Variants in NTN1 observed in about 807,000 individuals in gnomAD.
NTN1 encodes the protein netrin-1.
A neutral mutation model predicts 54.2 loss-of-function variants in NTN1; 11 were observed. The observed-to-expected ratio is 0.20, with a 90% CI of 0.13 to 0.34. The LOEUF is 0.34. Ranked by LOEUF, NTN1 falls within the 10% of genes least tolerant of loss-of-function variation. The pLI, the probability that NTN1 is intolerant of heterozygous loss-of-function variation, is 1.00. For synonymous variants in NTN1, 371 were observed against 382.0 expected (o/e 0.97, Z 0.33); for missense variants, 740 against 893.1 (o/e 0.83, Z 2.18).
At chr17:9,193,988 C>A (rs994022200) in intron 5 of NTN1, among the ~76,000 whole-genome samples, 1 of 145,668 alleles carries the variant, frequency 6.9e-6, no homozygotes, top group African/African-American at 2.5e-5. Flanking sequence ...GTAATCCCAG[C>A]ACTTTGGGAG....
Position 9,212,525 on chromosome 17 carries a change from G to T in NTN1, c.1412-8643G>T, listed in dbSNP as rs1905131271. 6.6e-6 allele frequency among the ~76,000 whole-genome samples: 1 copy of T among 152,206 alleles called. No individual in the cohort carries two copies. The highest frequency in any genetic ancestry group is 1.5e-5 in the Non-Finnish European group (1 of 68,046). ...CTCATTTGCCTTTTGTCACCTGCTG[G>T]TGGGCAGAATGGCCCAGCCGAAATG... On this transcript the variant is annotated intron_variant, in intron 5 of 6. Transcript: ENST00000173229. This position sits in a 1 kb window ranked among gnomAD's most constrained non-coding sequence, Gnocchi z 5.5.
chr17:9,134,061 T>C (rs868163756), intron 2 of NTN1, among the ~76,000 whole-genome samples: 10 of 151,624 alleles, frequency 6.6e-5, no homozygotes, highest in African/African-American at 1.9e-4. Flanking sequence ...CCTGCCACTA[T>C]GCACAGCTAA....
intron 3 of NTN1, among the ~76,000 whole-genome samples, chr17:9,166,098 G>A (rs531205043): frequency 9.9e-5 from 15 of 151,748 alleles, no homozygotes; most frequent in South Asian, 4.2e-4. Context: ...AGATGCTGGC[G>A]GGATGTGTAC....
intron 6 of NTN1, among the ~76,000 whole-genome samples, chr17:9,223,850 TC>T (rs1220458526): frequency 6.6e-6 from 1 of 152,154 alleles, no homozygotes; most frequent in Non-Finnish European, 1.5e-5. Context: ...CCTCTCCCCA[TC>T]CTTCCCTGCA....
At chr17:9,153,795 A>G (rs912330382) in intron 2 of NTN1, among the ~76,000 whole-genome samples, 1 of 152,140 alleles carries the variant, frequency 6.6e-6, no homozygotes, top group East Asian at 1.9e-4. Flanking sequence ...GAAGTGCCAC[A>G]TCTTCCCTCA....
intron 6 of NTN1, among the ~76,000 whole-genome samples, chr17:9,227,457 CTG>C (rs1456735380): frequency 2.7e-5 from 4 of 147,916 alleles, no homozygotes; most frequent in African/African-American, 5.2e-5. Context: ...GATACACAGA[CTG>C]TCACACACAG....
At position 9,070,477 on chromosome 17, in the gene NTN1, C is replaced by T. The variant is rs78996446; in HGVS notation, c.1018+47086C>T. 7.3e-3 allele frequency among the ~76,000 whole-genome samples: 1,112 copies of T among 152,156 alleles called. 10 individuals are homozygous for T. The highest frequency in any genetic ancestry group is 0.026 in the African/African-American group (1,060 of 41,516). On this transcript the variant is annotated intron_variant, in intron 2 of 6. Coordinates refer to ENST00000173229, the MANE Select transcript of NTN1 (RefSeq NM_004822.3). ...AGTCATGGCTCTTTGAGCCTAAACC[C>T]CCGAGACTTTGGAAAAGTGAAGTGT...
chr17:9,161,429 G>C (rs972793781), intron 2 of NTN1, among the ~76,000 whole-genome samples: 5 of 152,174 alleles, frequency 3.3e-5, no homozygotes, highest in African/African-American at 1.2e-4. Context: ...AGCCCTGAAG[G>C]CCATGCTGAG....
At chr17:9,073,817 G>A (rs1253840092) in intron 2 of NTN1, among the ~76,000 whole-genome samples, 1 of 152,220 alleles carries the variant, frequency 6.6e-6, no homozygotes, top group Non-Finnish European at 1.5e-5. Flanking sequence ...AGTGAATGTG[G>A]TATTCTCTTC....
intron 6 of NTN1, among the ~76,000 whole-genome samples, chr17:9,227,528 AAC>A (rs1342488665): frequency 5.5e-5 from 8 of 146,760 alleles, no homozygotes; most frequent in South Asian, 2.2e-4. Context: ...ACACACATCA[AAC>A]ACAGATACAC....
chr17:9,088,900 G>A (rs1461903812), intron 2 of NTN1, among the ~76,000 whole-genome samples: 1 of 152,110 alleles, frequency 6.6e-6, no homozygotes, highest in Non-Finnish European at 1.5e-5. Context: ...CCTCGCACCT[G>A]TTCACCCTGC....
chr17:9,065,676 T>C (rs1390854372), intron 2 of NTN1, among the ~76,000 whole-genome samples: 2 of 152,144 alleles, frequency 1.3e-5, no homozygotes, highest in African/African-American at 2.4e-5. Flanking sequence ...GCCCGTGAGC[T>C]CAGTAAAACG....
chr17:9,119,801 C>A (rs1425963161), intron 2 of NTN1, among the ~76,000 whole-genome samples: 2 of 152,094 alleles, frequency 1.3e-5, no homozygotes, highest in Non-Finnish European at 2.9e-5. Context: ...CCTGGCCTGG[C>A]CTTTTTTTAT....
chr17:9,175,869 TC>T (rs1260108612), intron 3 of NTN1: 3 of 151,942 alleles, frequency 2.0e-5, no homozygotes, highest in Non-Finnish European at 2.9e-5. Flanking sequence ...ATGGAAAAAA[TC>T]CCCGGGTTGA....
chr17:9,156,632 C>T (rs193113451), intron 2 of NTN1, among the ~76,000 whole-genome samples: 136 of 152,332 alleles, frequency 8.9e-4, no homozygotes, highest in Admixed American at 2.2e-3. Flanking sequence ...GATGCAGATT[C>T]AGTCTCTGTG....
chr17:9,067,859 C>T (rs998297337), intron 2 of NTN1, among the ~76,000 whole-genome samples: 1 of 152,164 alleles, frequency 6.6e-6, no homozygotes, highest in African/African-American at 2.4e-5. Context: ...GCCCTGGGCT[C>T]AGGTGCTAGA....
intron 2 of NTN1, among the ~76,000 whole-genome samples, chr17:9,110,461 G>A (rs953445127): frequency 6.6e-6 from 1 of 151,982 alleles, no homozygotes; most frequent in Non-Finnish European, 1.5e-5. Flanking sequence ...GTAGAAACAG[G>A]GTTTCACCAT....
chr17:9,142,855 A>G (rs1003818346), intron 2 of NTN1, among the ~76,000 whole-genome samples: 1 of 152,198 alleles, frequency 6.6e-6, no homozygotes, highest in African/African-American at 2.4e-5. Flanking sequence ...AAGTATGTAG[A>G]TGCTATAAGT....
chr17:9,206,422 C>T (rs1904969869), intron 5 of NTN1, among the ~76,000 whole-genome samples: 1 of 152,208 alleles, frequency 6.6e-6, no homozygotes, highest in East Asian at 1.9e-4. Flanking sequence ...AGCCCCCAAC[C>T]TCTCCCAGCC....
Sources: allele counts gnomAD v4.1 joint callset (sites outside exome capture counted in the v4.1 genomes callset), GRCh38; gene constraint gnomAD v4.1.1; non-coding constraint Gnocchi (gnomAD v3.1); transcripts MANE v1.5; gene names NCBI Gene and HGNC (gene_info 2026-07-23, HGNC 2026-07-21).